POLE: variants seen among roughly 807,000 people sequenced by gnomAD.
POLE encodes DNA polymerase epsilon, catalytic subunit.
Under a neutral mutation model 279.2 loss-of-function variants are expected in POLE, and 188 were observed. The observed-to-expected ratio is 0.67, with a 90% CI of 0.60 to 0.76. The LOEUF (loss-of-function observed/expected upper bound fraction) is 0.76. Ranked by LOEUF, POLE falls within the 30% of genes least tolerant of loss-of-function variation. The probability of loss-of-function intolerance (pLI) is 0.00; values close to 1 mark genes in which losing one functional copy is unlikely to be tolerated. For synonymous variants in POLE, 1,214 were observed against 1,172.5 expected, an observed-to-expected ratio of 1.04 and a Z score of -0.72; for missense variants, 2,703 against 3,016.7, an observed-to-expected ratio of 0.90 and a Z score of 2.44.
intron 15 of POLE, 150 bp downstream of exon 15, chr12:132,672,477 C>T (rs1290326571): frequency 9.6e-7 from 1 of 1,040,014 alleles, no homozygotes; most frequent in Middle Eastern, 2.1e-4. Flanking sequence ...CTAAAGAAGC[C>T]CCCGGGGGGT....
chr12:132,657,346 T>G lies in POLE; in HGVS notation c.3459+3A>C, dbSNP rs1555225183. The G allele has an allele frequency of 6.2e-7, 1 of 1,614,086 alleles. No homozygotes were observed. The highest frequency in any genetic ancestry group is 2.2e-5 in the East Asian group (1 of 44,874). On this transcript the variant is annotated splice_donor_region_variant and intron_variant, in intron 28 of 48. Coordinates refer to ENST00000320574, the MANE Select transcript of POLE (RefSeq NM_006231.4). ...CAGCCCGTGCCACTGACCCCGCCCT[T>G]ACCTGCTGCAGGGCCGCAGGGATGG...
chr12:132,643,583 C>T (rs768949031), intron 33 of POLE, 23 bp from the exon 34 acceptor site: 3 of 1,613,554 alleles, frequency 1.9e-6, no homozygotes, highest in South Asian at 2.2e-5. Context: ...GGCAGACAGG[C>T]CGGCAAGGGC....
chr12:132,668,374 C>T lies in POLE; in HGVS notation c.2155G>A (p.Glu719Lys), dbSNP rs765254190. 27 of 1,585,458 alleles carry T rather than the reference C, an allele frequency of 1.7e-5. No individual in the cohort carries two copies. The highest frequency in any genetic ancestry group is 2.7e-5 in the African/African-American group (2 of 73,828). Residue 719 changes from glutamate (E) to lysine (K), a missense_variant, in exon 19 of 49, where the codon GAG becomes AAG. Coordinates refer to ENST00000320574, the MANE Select transcript of POLE (RefSeq NM_006231.4). This position sits in a 1 kb window ranked among gnomAD's most constrained non-coding sequence, Gnocchi z 4.0. ...ELSREEQAKY[E>K]KRRLADYCRK... ...CACTCACCCGCCAGCCTTCTCTTCT[C>T]GTATTTCGCCTGTTCCTCGCGGGAC...
intron 16 of POLE, among the ~76,000 whole-genome samples, chr12:132,669,917 T>A (rs766369907): frequency 1.3e-5 from 2 of 152,114 alleles, no homozygotes; most frequent in African/African-American, 2.4e-5. Flanking sequence ...AACAGGACAA[T>A]GTCATCTACA....
rs1593711979 is a variant in POLE, at chr12:132,634,247, G to A, written c.5943C>T (p.Asn1981=). 4 of 1,614,200 alleles carry A rather than the reference G, an allele frequency of 2.5e-6. No homozygotes were observed. Among genetic ancestry groups the A allele is most frequent in the East Asian group, 2.2e-5 (1 of 44,886 alleles). Residue 1981 remains asparagine (N), a synonymous_variant, in exon 43 of 49, where the codon AAC becomes AAT. Coordinates refer to ENST00000320574, the MANE Select transcript of POLE (RefSeq NM_006231.4). The surrounding 1 kb of genome is among the most constrained non-coding windows in gnomAD (Gnocchi z 4.0). The part of the protein sequence containing the change: ...NVEDLLENNW[N]ILQFLPQAAS... The stretch of plus-strand genomic sequence containing the variant: ...CTGCCTGTGGCAAAAACTGCAAAAT[G>A]TTCCAGTTGTTTTCCAGTAAATCCT...
In POLE at chr12:132,643,308, C is replaced by T. The variant is rs1593733868; in HGVS notation, c.4467G>A (p.Leu1489=). 7 of 1,613,896 alleles carry T rather than the reference C, an allele frequency of 4.3e-6. No individual in the cohort carries two copies. Among genetic ancestry groups the T allele is most frequent in the Non-Finnish European group, 5.9e-6 (7 of 1,180,040 alleles). ...LEPGSIRHIY[L]YHHAQAHKAL... is the part of the protein sequence containing the mutation. ...CTTTGTGGGCCTGTGCGTGGTGGTA[C>T]AGGTAGATATGGCGGATACTCCCTG... is the stretch of plus-strand genomic sequence containing the variant. Residue 1489 remains leucine (L), a synonymous_variant, in exon 35 of 49, where the codon CTG becomes CTA. Transcript: ENST00000320574.
chr12:132,659,124 C>T (rs998453233), intron 26 of POLE, among the ~76,000 whole-genome samples, 171 bp downstream of exon 26: 1 of 152,114 alleles, frequency 6.6e-6, no homozygotes, highest in African/African-American at 2.4e-5. Flanking sequence ...CATCCCCAAA[C>T]TTGGTGTTAA....
intron 32 of POLE, 44 bp from the exon 33 acceptor site, chr12:132,644,021 T>C (rs2138563496): frequency 6.3e-7 from 1 of 1,596,790 alleles, no homozygotes; most frequent in Non-Finnish European, 8.6e-7. Context: ...GCGTAAGTGG[T>C]AATGTCTGTG....
intron 6 of POLE, 42 bp from the exon 7 acceptor site, chr12:132,677,761 C>T: frequency 6.2e-7 from 1 of 1,602,298 alleles, no homozygotes; most frequent in Non-Finnish European, 8.5e-7. Flanking sequence ...CTGCCAGGGT[C>T]TGGAGGAGGT....
intron 13 of POLE, 38 bp downstream of exon 13, chr12:132,673,537 A>G (rs2135998672): frequency 6.3e-7 from 1 of 1,591,294 alleles, no homozygotes; most frequent in Non-Finnish European, 8.6e-7. Flanking sequence ...GGATGCGTGC[A>G]CACGGCAGCA....
chr12:132,680,064 G>A lies in POLE; in HGVS notation c.331-18C>T, dbSNP rs1336634932. The A allele has an allele frequency of 1.2e-6, 2 of 1,608,972 alleles. No individual in the cohort carries two copies. Among genetic ancestry groups the A allele is most frequent in the Non-Finnish European group, 1.7e-6 (2 of 1,175,606 alleles). On this transcript the variant is annotated intron_variant, in intron 4 of 48. Transcript: ENST00000320574. ...TCACAACCCTAATCAGGATCAGAATGAAAAGGCTTTCCATTGGTAAAATAC... is the reference window on the plus strand; with the variant it reads ...TCACAACCCTAATCAGGATCAGAATAAAAAGGCTTTCCATTGGTAAAATAC...
At chr12:132,633,951 T>A (rs1428739399) in intron 43 of POLE, 1 of 442,966 alleles carries the variant, frequency 2.3e-6, no homozygotes, top group Non-Finnish European at 4.0e-6. Context: ...CCCATGGAGT[T>A]TCCTGAGAGC....
In POLE at chr12:132,639,384, G is replaced by A; in HGVS notation, c.5379-86C>T. Reference sequence around the variant, plus strand: ...GACGCTCCAACTGAAATGGGCACAGGTTTTCCCTACACGGCTGGGTCCAAA... The same window carrying A: ...GACGCTCCAACTGAAATGGGCACAGATTTTCCCTACACGGCTGGGTCCAAA... On this transcript the variant is annotated intron_variant, in intron 39 of 48. Coordinates refer to ENST00000320574, the MANE Select transcript of POLE (RefSeq NM_006231.4). This position sits in a 1 kb window ranked among gnomAD's most constrained non-coding sequence, Gnocchi z 4.7. 7.7e-7 allele frequency: 1 copy of A among 1,307,010 alleles called. No homozygotes were observed. 81.0% of individuals were successfully genotyped at this position (1,307,010 alleles called of 1,614,324 possible). A position where few individuals can be genotyped will look rare whatever the true frequency, so the allele number is the denominator to read the frequency against.
rs2042089218 is a variant in POLE, at chr12:132,639,096, T to C, written c.5552+29A>G. On this transcript the variant is annotated intron_variant, in intron 40 of 48. Transcript: ENST00000320574. This position sits in a 1 kb window ranked among gnomAD's most constrained non-coding sequence, Gnocchi z 4.7. ...GGGACCAGCCCAGCTGAGGACGCGGTGGACAGCCCAGGGAGGAGGAGCACT... is the reference window on the plus strand; with the variant it reads ...GGGACCAGCCCAGCTGAGGACGCGGCGGACAGCCCAGGGAGGAGGAGCACT... The C allele has an allele frequency of 1.2e-6, 2 of 1,609,084 alleles. No individual in the cohort carries two copies. The highest frequency in any genetic ancestry group is 1.7e-6 in the Non-Finnish European group (2 of 1,175,912).
rs752682384 is a variant in POLE at position 132,677,450 on chromosome 12, AAC to A, written c.721-9_721-8del. On this transcript the variant is annotated splice_region_variant and splice_polypyrimidine_tract_variant and intron_variant, in intron 7 of 48. Transcript: ENST00000320574. ...TGACATTGTACCAATGAGCCTGCAA[AAC>A]ACACAGTGTGCTAACTAGAGTTCTA... is the stretch of plus-strand genomic sequence containing the variant. The A allele has an allele frequency of 1.1e-5, 18 of 1,613,510 alleles. No individual in the cohort carries two copies. The highest frequency in any genetic ancestry group is 5.3e-5 in the African/African-American group (4 of 75,024).
At chr12:132,680,259 A>G (rs2136029968) in intron 3 of POLE, 37 bp from the exon 4 acceptor site, 1 of 1,587,018 alleles carries the variant, frequency 6.3e-7, no homozygotes, top group Non-Finnish European at 8.7e-7. Context: ...GGGTGATGAG[A>G]AAGAAGAAAG....
rs751662353 is a variant in POLE at position 132,664,150 on chromosome 12, T to G, written c.2562-2A>C. The G allele has an allele frequency of 3.1e-6, 5 of 1,613,776 alleles. No homozygotes were observed. The highest frequency in any genetic ancestry group is 4.2e-6 in the Non-Finnish European group (5 of 1,179,974). On this transcript the variant is annotated splice_acceptor_variant, in intron 22 of 48. Coordinates refer to ENST00000320574, the MANE Select transcript of POLE (RefSeq NM_006231.4). LOFTEE classifies it high-confidence loss of function. The surrounding 1 kb of genome is among the most constrained non-coding windows in gnomAD (Gnocchi z 5.3). ...TCTGTGTCCAGCTCTAAGGGCCTCCTTCAGAGAAAGAGAGGAGCAAGGTCG... is the reference window on the plus strand; with the variant it reads ...TCTGTGTCCAGCTCTAAGGGCCTCCGTCAGAGAAAGAGAGGAGCAAGGTCG...
In POLE at chr12:132,626,063, G is replaced by A. The variant is rs373072560; in HGVS notation, c.6531+54C>T. On this transcript the variant is annotated intron_variant, in intron 46 of 48. Coordinates refer to ENST00000320574, the MANE Select transcript of POLE (RefSeq NM_006231.4). ...CTGCAGAAGCCCTCAAGACACCGCAGTGCCCTCGGATGTTCTGCTCCACAG... is the reference window on the plus strand; with the variant it reads ...CTGCAGAAGCCCTCAAGACACCGCAATGCCCTCGGATGTTCTGCTCCACAG... 1.5e-5 allele frequency: 22 copies of A among 1,513,500 alleles called. No homozygotes were observed. The South Asian group carries it at 2.1e-4, about 15-fold the overall frequency. 93.8% of individuals were successfully genotyped at this position (1,513,500 alleles called of 1,614,324 possible).
intron 40 of POLE, chr12:132,638,885 CTT>C (rs1224074315): frequency 9.3e-6 from 5 of 538,552 alleles, no homozygotes; most frequent in African/African-American, 7.6e-5. Context: ...TGTAGCATGA[CTT>C]TGTGCAGGAA....
Sources: allele counts gnomAD v4.1 joint callset (sites outside exome capture counted in the v4.1 genomes callset), GRCh38; gene constraint gnomAD v4.1.1; non-coding constraint Gnocchi (gnomAD v3.1); transcripts MANE v1.5; gene names NCBI Gene and HGNC (gene_info 2026-07-23, HGNC 2026-07-21).